PPP1R16A: variants seen among roughly 807,000 people sequenced by gnomAD.
The protein encoded by PPP1R16A is myosin phosphatase-targeting subunit 3.
A neutral mutation model predicts 46.6 loss-of-function variants in PPP1R16A; 39 were observed. The ratio of observed to expected loss-of-function variants is 0.84; its 90% CI spans 0.65 to 1.09. PPP1R16A has a LOEUF of 1.09. PPP1R16A is among the 50% of genes least tolerant of loss of function. PPP1R16A has a pLI of 0.00. For synonymous variants in PPP1R16A, 413 were observed against 321.5 expected, an observed-to-expected ratio of 1.28 and a Z score of -3.04; for missense variants, 798 against 735.6, an observed-to-expected ratio of 1.08 and a Z score of -0.98.
At chr8:144,498,098 T>C in intron 3 of PPP1R16A, 1 of 455,880 alleles carries the variant, frequency 2.2e-6, no homozygotes, top group Non-Finnish European at 4.4e-6. Context: ...GAGCAGAGAG[T>C]AAAGAGGAGC....
chr8:144,497,656 G>C, intron 3 of PPP1R16A: 1 of 737,180 alleles, frequency 1.4e-6, no homozygotes, highest in Non-Finnish European at 2.4e-6. Context: ...CCTGAGGTGA[G>C]CCTGTGCGGG....
chr8:144,478,228 T>A, intron 1 of PPP1R16A, 101 bp downstream of exon 1: 1 of 367,698 alleles, frequency 2.7e-6, no homozygotes, highest in Non-Finnish European at 4.8e-6. Flanking sequence ...GGGCACTGGG[T>A]CGACACCGAG....
Position 144,500,886 on chromosome 8 carries a change from A to G in PPP1R16A, c.952A>G (p.Lys318Glu). 2 of 1,552,358 alleles carry G rather than the reference A, an allele frequency of 1.3e-6. No individual in the cohort carries two copies. Among genetic ancestry groups the G allele is most frequent in the Non-Finnish European group, 8.7e-7 (1 of 1,150,938 alleles). The change falls in exon 10 of 12, where the codon AAG becomes GAG. Residue 318 changes from lysine to glutamate, a missense_variant. By Grantham distance (56) the Lys-to-Glu change is moderately conservative. Transcript: ENST00000435887. ...EEVRAKLLELKHKHDALLRAQ... is the reference protein window; with the variant it reads ...EEVRAKLLELEHKHDALLRAQ... ...GGTGCGGGCCAAGCTGCTGGAGCTG[A>G]AGCACAAGCACGACGCCCTCCTGCG...
chr8:144,483,257 C>G (rs1166177849), intron 1 of PPP1R16A, among the ~76,000 whole-genome samples: 1 of 152,184 alleles, frequency 6.6e-6, no homozygotes, highest in Non-Finnish European at 1.5e-5. Flanking sequence ...TCCAGTGTCC[C>G]AATTCCTGCC....
chr8:144,500,352 G>C lies in PPP1R16A; in HGVS notation c.666G>C (p.Gly222=), dbSNP rs781244996. Residue 222 remains glycine, a synonymous_variant, in exon 7 of 12, where the codon GGG becomes GGC. Coordinates refer to ENST00000435887, the MANE Select transcript of PPP1R16A (RefSeq NM_001329443.2). ...LDDIRSRLQA[G]ADLHAPLDHG... ...ACATCCGGAGCCGGCTGCAGGCCGG[G>C]GCAGACCTCCATGCCCCCCTGGACC... 77 of 1,535,320 alleles carry C rather than the reference G, an allele frequency of 5.0e-5. No homozygotes were observed. The highest frequency in any genetic ancestry group is 6.5e-5 in the Non-Finnish European group (74 of 1,146,076).
At position 144,481,863 on chromosome 8, in the gene PPP1R16A, C is replaced by T. The variant is rs573168521; in HGVS notation, c.-914+3736C>T. Among the ~76,000 whole-genome samples, 11 of 152,128 alleles carry T rather than the reference C, an allele frequency of 7.2e-5. No individual in the cohort carries two copies. The South Asian group carries it at 1.7e-3, about 23-fold the overall frequency. On this transcript the variant is annotated intron_variant, in intron 1 of 11. Coordinates refer to ENST00000435887, the MANE Select transcript of PPP1R16A (RefSeq NM_001329443.2). ...CACGATCTTGGCTCACCGCATCCTC[C>T]GCCTGCCAGGTTCAAGCAATTCTCC...
chr8:144,483,312 C>T (rs1460278096), intron 1 of PPP1R16A, among the ~76,000 whole-genome samples: 4 of 152,346 alleles, frequency 2.6e-5, no homozygotes, highest in South Asian at 2.1e-4. Context: ...CAAAGGCTTT[C>T]CTCCTGTTTC....
Position 144,500,963 on chromosome 8 carries a change from C to T in PPP1R16A, c.1029C>T (p.Gly343=). ...TGCGCCGCCGCACCTCCAGCGCCGG[C>T]AGCCGCGGGTGAGCGCCGCCCCCAG... ...SLLRRRTSSA[G]SRGKVVRRVS... is the part of the protein sequence containing the mutation. Residue 343 remains glycine (G), a synonymous_variant, in exon 10 of 12, where the codon GGC becomes GGT. Transcript: ENST00000435887. 2.0e-6 allele frequency: 3 copies of T among 1,472,952 alleles called. No homozygotes were observed. Among genetic ancestry groups the T allele is most frequent in the Non-Finnish European group, 2.7e-6 (3 of 1,121,056 alleles). 91.2% of individuals were successfully genotyped at this position (1,472,952 alleles called of 1,614,324 possible).
chr8:144,482,095 CCT>C (rs1825457133), intron 1 of PPP1R16A, among the ~76,000 whole-genome samples: 1 of 145,632 alleles, frequency 6.9e-6, no homozygotes, highest in Non-Finnish European at 1.5e-5. Flanking sequence ...GCCGCCGCCG[CCT>C]TTTTTTTTGA....
intron 5 of PPP1R16A, chr8:144,499,830 A>G: frequency 4.4e-6 from 2 of 450,162 alleles, no homozygotes; most frequent in Non-Finnish European, 8.1e-6. Context: ...CATCCAATGC[A>G]TGTTTATGGG....
intron 1 of PPP1R16A, among the ~76,000 whole-genome samples, chr8:144,480,910 G>A (rs1424291881): frequency 3.3e-5 from 5 of 150,276 alleles, no homozygotes; most frequent in Admixed American, 1.3e-4. Context: ...TTTTTTTGAC[G>A]GAGTCTCATG....
chr8:144,498,002 C>G (rs1251404980), intron 3 of PPP1R16A: 1 of 455,554 alleles, frequency 2.2e-6, no homozygotes, highest in Non-Finnish European at 4.4e-6. Flanking sequence ...GCAGCCCCAG[C>G]TGTGTGGGTT....
chr8:144,501,476 G>A lies in PPP1R16A; in HGVS notation c.1204-44G>A, dbSNP rs768397194. 2.7e-6 allele frequency: 4 copies of A among 1,492,148 alleles called. No individual in the cohort carries two copies. In the African/African-American group the frequency reaches 4.2e-5, roughly 16 times the overall value. 92.4% of individuals were successfully genotyped at this position (1,492,148 alleles called of 1,614,324 possible). ...CAGCCTGAACCCAAGGCCAGGGAGG[G>A]GGGAGGAGCCTCCTGATGGCTCTGG... On this transcript the variant is annotated intron_variant, in intron 11 of 11. Transcript: ENST00000435887.
chr8:144,500,903 C>A lies in PPP1R16A; in HGVS notation c.969C>A (p.Ala323=), dbSNP rs553528646. The change falls in exon 10 of 12, where the codon GCC becomes GCA. Residue 323 remains alanine (A), a synonymous_variant. Transcript: ENST00000435887. ...TGGAGCTGAAGCACAAGCACGACGCCCTCCTGCGCGCCCAGAGCCGCCAGC... is the reference window on the plus strand; with the variant it reads ...TGGAGCTGAAGCACAAGCACGACGCACTCCTGCGCGCCCAGAGCCGCCAGC... ...KLLELKHKHD[A]LLRAQSRQRS... is the part of the protein sequence containing the mutation. The A allele has an allele frequency of 6.5e-7, 1 of 1,538,952 alleles. No homozygotes were observed. The highest frequency in any genetic ancestry group is 8.7e-7 in the Non-Finnish European group (1 of 1,145,032).
intron 3 of PPP1R16A, chr8:144,498,437 C>T (rs1046454025): frequency 3.2e-5 from 12 of 375,026 alleles, no homozygotes; most frequent in African/African-American, 2.0e-4. Flanking sequence ...CTGTGGTAGC[C>T]TCCAGGCAGG....
At chr8:144,496,397 G>GTCCTGGGGA in intron 2 of PPP1R16A, 64 bp from the exon 3 acceptor site, 1 of 152,386 alleles carries the variant, frequency 6.6e-6, no homozygotes, top group Non-Finnish European at 1.5e-5. Context: ...CCAGGGCAGG[G>GTCCTGGGGA]GCTCCCCCGG....
Position 144,493,595 on chromosome 8 carries a change from C to T in PPP1R16A, c.-734-2866C>T, listed in dbSNP as rs566670686. Among the ~76,000 whole-genome samples, 2 of 152,128 alleles carry T rather than the reference C, an allele frequency of 1.3e-5. No individual in the cohort carries two copies. The highest frequency in any genetic ancestry group is 2.4e-5 in the African/African-American group (1 of 41,434). On this transcript the variant is annotated intron_variant, in intron 2 of 11. Transcript: ENST00000435887. The surrounding 1 kb of genome is among the most constrained non-coding windows in gnomAD (Gnocchi z 4.3). The stretch of plus-strand genomic sequence containing the variant: ...CCTTCTGGAGCCCTCAGCCCACTGC[C>T]GTGGGCCTTCGGCTGGCTGCTTCCT...
chr8:144,500,505 A>C lies in PPP1R16A; in HGVS notation c.724A>C (p.Asn242His), dbSNP rs751356057. Reference sequence around the variant, plus strand: ...CCTGCAGCTGCACGTCGCAGCCGCCAACGGGTTCAGCGAGGCGGCTGCCCT... The same window carrying C: ...CCTGCAGCTGCACGTCGCAGCCGCCCACGGGTTCAGCGAGGCGGCTGCCCT... ...GATLLHVAAA[N>H]GFSEAAALLL... The change falls in exon 8 of 12, where the codon AAC becomes CAC. Residue 242 changes from asparagine to histidine, a missense_variant. By Grantham distance (68) the Asn-to-His change is moderately conservative (BLOSUM62 1). Coordinates refer to ENST00000435887, the MANE Select transcript of PPP1R16A (RefSeq NM_001329443.2). 4 of 1,588,278 alleles carry C rather than the reference A, an allele frequency of 2.5e-6. No homozygotes were observed. Among genetic ancestry groups the C allele is most frequent in the Admixed American group, 3.4e-5 (2 of 58,386 alleles).
intron 1 of PPP1R16A, chr8:144,478,328 G>A (rs975965997): frequency 3.2e-5 from 12 of 376,370 alleles, no homozygotes; most frequent in Non-Finnish European, 5.2e-5. Flanking sequence ...GGAGAGAGGA[G>A]GCTGGCGACG....
Sources: allele counts gnomAD v4.1 joint callset (sites outside exome capture counted in the v4.1 genomes callset), GRCh38; gene constraint gnomAD v4.1.1; non-coding constraint Gnocchi (gnomAD v3.1); transcripts MANE v1.5; gene names NCBI Gene and HGNC (gene_info 2026-07-23, HGNC 2026-07-21).